The following THSD7A variants were observed in gnomAD, a reference collection of about 807,000 sequenced individuals.
The protein encoded by THSD7A is thrombospondin type-1 domain-containing protein 7A.
In THSD7A, 96 loss-of-function variants were observed where a neutral mutation model predicts 231.3. The ratio of observed to expected loss-of-function variants is 0.41; its 90% CI spans 0.35 to 0.49. The LOEUF is 0.49. THSD7A is among the 20% of genes least tolerant of loss of function. The probability of loss-of-function intolerance (pLI) is 0.05; values close to 1 mark genes in which losing one functional copy is unlikely to be tolerated. For missense variants in THSD7A, 2,290 were observed against 2,070.2 expected, an observed-to-expected ratio of 1.11 and a Z score of -2.06; for synonymous variants, 940 against 743.3, an observed-to-expected ratio of 1.26 and a Z score of -4.30.
At chr7:11,510,792 T>C (rs1583877505) in intron 6 of THSD7A, among the ~76,000 whole-genome samples, 3 of 152,128 alleles carry the variant, frequency 2.0e-5, no homozygotes, top group African/African-American at 4.8e-5. Flanking sequence ...ATAAGAGCTA[T>C]TTATGACAGA....
chr7:11,823,100 A>C (rs888436994), intron 1 of THSD7A, among the ~76,000 whole-genome samples: 10 of 151,942 alleles, frequency 6.6e-5, no homozygotes, highest in African/African-American at 2.4e-4. Context: ...TATGCTTAAG[A>C]TGTTAATCCC....
At chr7:11,432,275 CA>C (rs1046422383) in intron 13 of THSD7A, among the ~76,000 whole-genome samples, 12 of 151,244 alleles carry the variant, frequency 7.9e-5, no homozygotes, top group African/African-American at 2.4e-4. Context: ...CAGACAGAAC[CA>C]AAAAAAATGG....
chr7:11,826,958 T>C (rs1395932150), intron 1 of THSD7A, among the ~76,000 whole-genome samples: 1 of 152,084 alleles, frequency 6.6e-6, no homozygotes. Context: ...AACTTTGAAA[T>C]GACTGTGATA....
intron 1 of THSD7A, among the ~76,000 whole-genome samples, chr7:11,677,904 A>T (rs1002164867): frequency 2.0e-5 from 3 of 152,152 alleles, no homozygotes; most frequent in African/African-American, 7.2e-5. Flanking sequence ...TCTTCTTGGC[A>T]CCACATAGCA....
chr7:11,678,486 T>C (rs1294903234), intron 1 of THSD7A, among the ~76,000 whole-genome samples: 1 of 151,876 alleles, frequency 6.6e-6, no homozygotes, highest in Non-Finnish European at 1.5e-5. Flanking sequence ...AAGAATCAAA[T>C]AGACCCAATA....
intron 1 of THSD7A, among the ~76,000 whole-genome samples, chr7:11,766,600 C>T (rs112450846): frequency 0.019 from 2,943 of 152,138 alleles, 110 homozygotes; most frequent in African/African-American, 0.067. Context: ...TTCTGCCTAG[C>T]CAAGCAATAA....
intron 1 of THSD7A, among the ~76,000 whole-genome samples, chr7:11,825,712 G>C (rs900142176): frequency 3.3e-5 from 5 of 152,084 alleles, no homozygotes; most frequent in Non-Finnish European, 5.9e-5. Context: ...TATTGGAGAT[G>C]AAAGAAAAAG....
chr7:11,692,842 A>G (rs1780276410), intron 1 of THSD7A, among the ~76,000 whole-genome samples: 1 of 151,626 alleles, frequency 6.6e-6, no homozygotes, highest in African/African-American at 2.4e-5. Context: ...AATTTAAACA[A>G]TAATTTAAGC....
Position 11,373,392 on chromosome 7 carries a change from T to A in THSD7A, c.*2402A>T, listed in dbSNP as rs1479254975. 1 of 152,040 alleles carries A rather than the reference T, an allele frequency of 6.6e-6. No individual in the cohort carries two copies. The highest frequency in any genetic ancestry group is 2.4e-5 in the African/African-American group (1 of 41,432). The allele number at this position is 152,040 out of a possible 1,614,324, so 9.4% of individuals were successfully genotyped here. ...GTTTATTTTATTCAAAGAGATCAAC[T>A]TTAGGATTATCTGGAAGACCCCTGA... On this transcript the variant is annotated 3_prime_UTR_variant, in exon 28 of 28. Transcript: ENST00000423059.
chr7:11,569,336 A>C (rs1790523975), intron 4 of THSD7A, among the ~76,000 whole-genome samples: 1 of 152,186 alleles, frequency 6.6e-6, no homozygotes, highest in Non-Finnish European at 1.5e-5. Flanking sequence ...CAATAATAAT[A>C]ATAATAATTC....
chr7:11,513,905 C>T (rs1280838124), intron 6 of THSD7A, among the ~76,000 whole-genome samples: 1 of 151,826 alleles, frequency 6.6e-6, no homozygotes, highest in Non-Finnish European at 1.5e-5. Context: ...TCCCCCCTTA[C>T]ACTTTCCCTA....
chr7:11,432,715 G>T (rs777253178), intron 13 of THSD7A, among the ~76,000 whole-genome samples: 4 of 151,902 alleles, frequency 2.6e-5, no homozygotes, highest in Non-Finnish European at 5.9e-5. Flanking sequence ...CATTCTATTG[G>T]TGGTGGGCAT....
At chr7:11,500,848 T>C (rs1490742621) in intron 6 of THSD7A, among the ~76,000 whole-genome samples, 5 of 151,388 alleles carry the variant, frequency 3.3e-5, no homozygotes, top group African/African-American at 7.3e-5. Context: ...AGGCAGAGAA[T>C]TGCTTGAATC....
intron 2 of THSD7A, among the ~76,000 whole-genome samples, chr7:11,625,253 C>T (rs957998753): frequency 1.3e-5 from 2 of 152,002 alleles, no homozygotes; most frequent in African/African-American, 2.4e-5. Context: ...ATAGTCTCAA[C>T]CTTAGTCATA....
intron 4 of THSD7A, among the ~76,000 whole-genome samples, chr7:11,551,502 AT>A (rs1414830364): frequency 2.0e-5 from 3 of 152,160 alleles, no homozygotes; most frequent in Non-Finnish European, 4.4e-5. Context: ...TTAACAAAAA[AT>A]AAACAACCCC....
chr7:11,512,867 T>C (rs1583881652), intron 6 of THSD7A, among the ~76,000 whole-genome samples: 1 of 149,488 alleles, frequency 6.7e-6, no homozygotes, highest in Non-Finnish European at 1.5e-5. Flanking sequence ...ACATGGCACA[T>C]GTATACATAC....
intron 4 of THSD7A, among the ~76,000 whole-genome samples, chr7:11,561,767 G>T (rs926755845): frequency 6.6e-6 from 1 of 152,138 alleles, no homozygotes; most frequent in Non-Finnish European, 1.5e-5. Flanking sequence ...CACAAGAATT[G>T]CTTGAACCTG....
chr7:11,714,214 A>G (rs1327409211), intron 1 of THSD7A, among the ~76,000 whole-genome samples: 1 of 151,208 alleles, frequency 6.6e-6, no homozygotes, highest in Admixed American at 6.6e-5. Flanking sequence ...AATTAATTAT[A>G]AAAGTGTTTA....
At chr7:11,724,024 C>T (rs140604864) in intron 1 of THSD7A, among the ~76,000 whole-genome samples, 9 of 151,844 alleles carry the variant, frequency 5.9e-5, no homozygotes, top group East Asian at 2.0e-4. Context: ...ATTGCAACAA[C>T]GCAGGCAAGA....
Sources: allele counts gnomAD v4.1 joint callset (sites outside exome capture counted in the v4.1 genomes callset), GRCh38; gene constraint gnomAD v4.1.1; transcripts MANE v1.5; gene names NCBI Gene and HGNC (gene_info 2026-07-23, HGNC 2026-07-21).